DNAH8: variants seen among roughly 807,000 people sequenced by gnomAD.
DNAH8 encodes the protein dynein axonemal heavy chain 8, also known as axonemal beta dynein heavy chain 8.
In DNAH8, 382 loss-of-function variants were observed where a neutral mutation model predicts 562.1. The ratio of observed to expected loss-of-function variants is 0.68; its 90% CI spans 0.63 to 0.74. DNAH8 has a LOEUF of 0.74. Ranked by LOEUF, DNAH8 falls within the 30% of genes least tolerant of loss-of-function variation. The probability of loss-of-function intolerance (pLI) is 0.00; values close to 1 mark genes in which losing one functional copy is unlikely to be tolerated. For missense variants in DNAH8, 5,203 were observed against 5,620.4 expected (o/e 0.93, Z 2.37); for synonymous variants, 1,881 against 1,919.4 (o/e 0.98, Z 0.52).
At chr6:38,868,007 G>A (rs1408291613) in intron 47 of DNAH8, 55 bp from the exon 48 acceptor site, 1 of 1,562,234 alleles carries the variant, frequency 6.4e-7, no homozygotes. Context: ...TGAGCCGTGA[G>A]TCTATGTTTA....
chr6:39,019,638 A>G (rs1266516386), intron 91 of DNAH8, among the ~76,000 whole-genome samples: 1 of 152,106 alleles, frequency 6.6e-6, no homozygotes, highest in Non-Finnish European at 1.5e-5. Flanking sequence ...GCCAGGCAAG[A>G]GATGAAAAGG....
intron 21 of DNAH8, among the ~76,000 whole-genome samples, chr6:38,799,229 T>C (rs1438967648): frequency 6.6e-6 from 1 of 152,184 alleles, no homozygotes; most frequent in African/African-American, 2.4e-5. Flanking sequence ...TGACTGCTGC[T>C]GCATCCATTT....
intron 65 of DNAH8, among the ~76,000 whole-genome samples, chr6:38,911,224 T>C (rs1009098818): frequency 7.2e-5 from 11 of 152,244 alleles, no homozygotes; most frequent in Non-Finnish European, 1.5e-4. Context: ...AGATATTCTT[T>C]TCTCTATTTT....
intron 21 of DNAH8, among the ~76,000 whole-genome samples, chr6:38,797,181 C>T (rs1738237): frequency 0.15 from 23,568 of 152,148 alleles, 2,006 homozygotes; most frequent in East Asian, 0.3. Context: ...ATCACTTGAG[C>T]TTAGGAGTTT....
At chr6:38,821,780 A>G (rs1377857147) in intron 26 of DNAH8, among the ~76,000 whole-genome samples, 1 of 152,156 alleles carries the variant, frequency 6.6e-6, no homozygotes, top group African/African-American at 2.4e-5. Context: ...CAGGCTGGTC[A>G]CGAAATCTTG....
At position 38,938,136 on chromosome 6, in the gene DNAH8, A is replaced by G. The variant is rs373142030; in HGVS notation, c.11726A>G (p.Tyr3909Cys). The change falls in exon 78 of 93, where the codon TAC (tyrosine) becomes TGC (cysteine). Residue 3909 changes from tyrosine to cysteine, a missense_variant. Tyr to Cys is a radical substitution (Grantham distance 194). Around this residue, in one of 6 missense-constraint regions of DNAH8, gnomAD observed 1,399 missense variants for 1,518.4 expected, o/e 0.92. Coordinates refer to ENST00000327475, the MANE Select transcript of DNAH8 (RefSeq NM_001206927.2). Reference protein sequence around the residue: ...RPAATRGSILYFLITEMSMVN... With the variant: ...RPAATRGSILCFLITEMSMVN... ...GCAGCCACCCGCGGAAGCATCCTCT[A>G]CTTCCTCATCACAGAGATGAGCATG... 10 of 1,614,054 alleles carry G rather than the reference A, an allele frequency of 6.2e-6. No homozygotes were observed. The highest frequency in any genetic ancestry group is 1.6e-4 in the Middle Eastern group (1 of 6,062).
At chr6:38,772,962 C>G (rs1767710852) in intron 12 of DNAH8, among the ~76,000 whole-genome samples, 1 of 106,598 alleles carries the variant, frequency 9.4e-6, no homozygotes, top group African/African-American at 3.9e-5. Context: ...CCATGCCTAG[C>G]TAATTAAACT....
intron 39 of DNAH8, 28 bp from the exon 40 acceptor site, chr6:38,852,666 A>G (rs1245694524): frequency 3.9e-6 from 6 of 1,526,442 alleles, no homozygotes; most frequent in Non-Finnish European, 4.5e-6. Context: ...GTCCAGCCTC[A>G]TGTGTGACGT....
chr6:38,746,908 G>A (rs1191395020), intron 8 of DNAH8, among the ~76,000 whole-genome samples: 3 of 151,734 alleles, frequency 2.0e-5, no homozygotes, highest in Non-Finnish European at 2.9e-5. Context: ...CAGCCTGTGT[G>A]TTGGGAGTGA....
intron 53 of DNAH8, among the ~76,000 whole-genome samples, chr6:38,879,619 T>G (rs1778307845): frequency 6.6e-6 from 1 of 152,228 alleles, no homozygotes; most frequent in Non-Finnish European, 1.5e-5. Context: ...GGTAAACAAC[T>G]AAATACTTCC....
intron 92 of DNAH8, among the ~76,000 whole-genome samples, chr6:39,027,717 T>C (rs1272572097): frequency 6.6e-6 from 1 of 151,998 alleles, no homozygotes. Flanking sequence ...TCCCAGCTAC[T>C]TGGGAGGCTG....
chr6:38,907,677 C>T (rs1326227051), intron 63 of DNAH8, among the ~76,000 whole-genome samples: 1 of 152,094 alleles, frequency 6.6e-6, no homozygotes, highest in Non-Finnish European at 1.5e-5. Flanking sequence ...CAGAGGGCAC[C>T]CCTGGACATT....
intron 22 of DNAH8, among the ~76,000 whole-genome samples, chr6:38,803,727 A>G (rs1771000230): frequency 6.8e-6 from 1 of 147,564 alleles, no homozygotes; most frequent in Non-Finnish European, 1.5e-5. Flanking sequence ...TTGAATCTGG[A>G]AAACTTAATC....
At chr6:38,976,309 T>C (rs904292000) in intron 85 of DNAH8, among the ~76,000 whole-genome samples, 1 of 152,202 alleles carries the variant, frequency 6.6e-6, no homozygotes, top group African/African-American at 2.4e-5. Flanking sequence ...TTTTTCAATT[T>C]CTAAAATTCC....
Position 39,012,202 on chromosome 6 carries a change from T to C in DNAH8, c.13372-13T>C, listed in dbSNP as rs778980055. 1.9e-6 allele frequency: 3 copies of C among 1,582,952 alleles called. No individual in the cohort carries two copies. Among genetic ancestry groups the C allele is most frequent in the East Asian group, 4.5e-5 (2 of 44,512 alleles). ...AGAAAATCTCCTTTATTGCATTGTT[T>C]ACTTTGTTTTAGGTGAAATCTCGTT... is the stretch of plus-strand genomic sequence containing the variant. On this transcript the variant is annotated splice_polypyrimidine_tract_variant and intron_variant, in intron 89 of 92. Coordinates refer to ENST00000327475, the MANE Select transcript of DNAH8 (RefSeq NM_001206927.2).
At chr6:38,766,705 A>AC (rs892518584) in intron 11 of DNAH8, among the ~76,000 whole-genome samples, 4 of 151,420 alleles carry the variant, frequency 2.6e-5, no homozygotes, top group African/African-American at 4.9e-5. Context: ...AGTAATTCAC[A>AC]CCCCCCACCC....
intron 71 of DNAH8, among the ~76,000 whole-genome samples, chr6:38,921,874 G>T (rs926234659): frequency 6.6e-6 from 1 of 151,336 alleles, no homozygotes. Flanking sequence ...AGGGAGACAG[G>T]GGTGGGGCCG....
chr6:39,027,989 A>T (rs1016029172), intron 92 of DNAH8, among the ~76,000 whole-genome samples: 1 of 152,116 alleles, frequency 6.6e-6, no homozygotes, highest in Admixed American at 6.5e-5. Flanking sequence ...GCTGGACCAG[A>T]TGATTTCCAA....
intron 88 of DNAH8, among the ~76,000 whole-genome samples, chr6:38,999,849 T>A (rs1765364554): frequency 6.6e-6 from 1 of 151,556 alleles, no homozygotes; most frequent in African/African-American, 2.4e-5. Flanking sequence ...AATAGATATA[T>A]AATAATTAGA....
Sources: gnomAD v4.1 joint callset for allele counts (sites outside exome capture counted in the v4.1 genomes callset) on GRCh38, gnomAD v4.1.1 for gene constraint, gnomAD v4.1.1 regional missense constraint, MANE v1.5 for transcripts, NCBI Gene and HGNC (gene_info 2026-07-23, HGNC 2026-07-21) for gene names.